GLI2: variants seen among roughly 807,000 people sequenced by gnomAD.
The protein encoded by GLI2 is GLI family zinc finger 2.
Under a neutral mutation model 78.9 loss-of-function variants are expected in GLI2, and 22 were observed. The observed-to-expected ratio is 0.28, with a 90% CI of 0.20 to 0.40. The LOEUF (loss-of-function observed/expected upper bound fraction) is 0.40, where lower values mean the gene tolerates loss of function less well. Ranked by LOEUF, GLI2 falls within the 10% of genes least tolerant of loss-of-function variation. The pLI, the probability that GLI2 is intolerant of heterozygous loss-of-function variation, is 1.00. For synonymous variants in GLI2, 974 were observed against 963.7 expected (o/e 1.01, Z -0.20); for missense variants, 2,097 against 2,213.2 (o/e 0.95, Z 1.05).
rs115909762 is a variant in GLI2 at position 120,812,395 on chromosome 2, G to C, written c.148+14927G>C. ...ACTTGTGGGAGCTGTGGCGGTTCCC[G>C]TGCATCCTTGTCTTTCACGGGGGAA... On this transcript the variant is annotated intron_variant, in intron 2 of 13. Coordinates refer to ENST00000361492, the MANE Select transcript of GLI2 (RefSeq NM_001374353.1). 7.1e-3 allele frequency among the ~76,000 whole-genome samples: 1,086 copies of C among 152,296 alleles called. 13 individuals are homozygous for C. The highest frequency in any genetic ancestry group is 0.025 in the African/African-American group (1,032 of 41,564).
At chr2:120,877,824 A>G (rs1036542820) in intron 2 of GLI2, among the ~76,000 whole-genome samples, 1 of 152,098 alleles carries the variant, frequency 6.6e-6, no homozygotes, top group Admixed American at 6.5e-5. Context: ...TGTGCTGCTT[A>G]TGAACATCCT....
At position 120,944,110 on chromosome 2, in the gene GLI2, C is replaced by T. The variant is rs1005042692; in HGVS notation, c.255-7133C>T. 3.3e-5 allele frequency among the ~76,000 whole-genome samples: 5 copies of T among 152,362 alleles called. No homozygotes were observed. In the South Asian group the frequency reaches 1.0e-3, roughly 32 times the overall value. On this transcript the variant is annotated intron_variant, in intron 3 of 13. Transcript: ENST00000361492. ...CCACTCCGAGGGTCTGGCATGCTCGCTTAGGCCCAGCCAGCTGCATGCTGA... is the reference window on the plus strand; with the variant it reads ...CCACTCCGAGGGTCTGGCATGCTCGTTTAGGCCCAGCCAGCTGCATGCTGA...
intron 2 of GLI2, among the ~76,000 whole-genome samples, chr2:120,892,751 TC>T (rs1677741643): frequency 1.3e-5 from 2 of 152,362 alleles, no homozygotes; most frequent in South Asian, 4.1e-4. Context: ...CTACTCTGGT[TC>T]TCAGAAGTTC....
chr2:120,915,118 C>G (rs1679028276), intron 2 of GLI2, among the ~76,000 whole-genome samples: 1 of 152,238 alleles, frequency 6.6e-6, no homozygotes, highest in Non-Finnish European at 1.5e-5. Context: ...GGAGACCAGT[C>G]TCAGAACTCT....
chr2:120,837,293 C>G (rs1686659739), intron 2 of GLI2, among the ~76,000 whole-genome samples: 1 of 149,788 alleles, frequency 6.7e-6, no homozygotes, highest in African/African-American at 2.5e-5. Flanking sequence ...ACTCGGGAGG[C>G]TGAGGCAGGA....
chr2:120,927,448 C>T lies in GLI2; in HGVS notation c.236C>T (p.Ser79Phe), dbSNP rs1388007950. Reference protein sequence around the residue: ...QEGRYHYEPHSVHGVHGPPAL... With the variant: ...QEGRYHYEPHFVHGVHGPPAL... ...GGAAGGTACCATTACGAGCCTCATT[C>T]TGTCCACGGTGTGCACGGGTAAGTC... is the stretch of plus-strand genomic sequence containing the variant. Residue 79 changes from serine (S) to phenylalanine (F), a missense_variant, in exon 3 of 14, where the codon TCT becomes TTT. Ser to Phe is a radical substitution (Grantham distance 155). Transcript: ENST00000361492. 1.2e-6 allele frequency: 2 copies of T among 1,612,504 alleles called. No individual in the cohort carries two copies. The highest frequency in any genetic ancestry group is 4.5e-5 in the East Asian group (2 of 44,890).
intron 3 of GLI2, among the ~76,000 whole-genome samples, chr2:120,939,315 A>G (rs1680344933): frequency 6.6e-6 from 1 of 152,124 alleles, no homozygotes; most frequent in East Asian, 1.9e-4. Flanking sequence ...CATGTTTAAG[A>G]TATCTGAGTA....
At chr2:120,984,778 G>A (rs749391492) in intron 12 of GLI2, 35 bp downstream of exon 12, 275 of 1,607,316 alleles carry the variant, frequency 1.7e-4, no homozygotes, top group Non-Finnish European at 2.1e-4. Context: ...CACGCAAGGC[G>A]ACTCCATAGC....
chr2:120,817,246 G>A (rs1451841868), intron 2 of GLI2, among the ~76,000 whole-genome samples: 1 of 152,206 alleles, frequency 6.6e-6, no homozygotes, highest in Non-Finnish European at 1.5e-5. Flanking sequence ...AGGGAAGTGC[G>A]TAATGTCAGC....
rs113576388 is a variant in GLI2, at chr2:120,859,890, C to T, written c.148+62422C>T. On this transcript the variant is annotated intron_variant, in intron 2 of 13. Coordinates refer to ENST00000361492, the MANE Select transcript of GLI2 (RefSeq NM_001374353.1). ...CTGGTCTGGAGCTCCTGACCTCAGA[C>T]GATCTGCCCACCTCAGCCTCCCAAA... Among the ~76,000 whole-genome samples the T allele has an allele frequency of 3.0e-4, 46 of 152,026 alleles. 1 individual carries two copies. Among genetic ancestry groups the T allele is most frequent in the Admixed American group, 2.2e-3 (33 of 15,278 alleles).
At chr2:120,821,502 G>A (rs1195558375) in intron 2 of GLI2, among the ~76,000 whole-genome samples, 1 of 152,146 alleles carries the variant, frequency 6.6e-6, no homozygotes, top group Non-Finnish European at 1.5e-5. Flanking sequence ...CCTCGGATGG[G>A]CTTGTAAACC....
chr2:120,887,419 G>C (rs903146454), intron 2 of GLI2, among the ~76,000 whole-genome samples: 1 of 152,214 alleles, frequency 6.6e-6, no homozygotes, highest in African/African-American at 2.4e-5. Context: ...GCTGGGCTGC[G>C]TGTTGGATTT....
intron 5 of GLI2, among the ~76,000 whole-genome samples, chr2:120,966,719 C>T (rs1446889484): frequency 1.3e-5 from 2 of 152,230 alleles, no homozygotes; most frequent in East Asian, 3.9e-4. Flanking sequence ...GATCCCAGGG[C>T]TTGCGGCTTG....
At chr2:120,960,503 T>C (rs1389080647) in intron 5 of GLI2, among the ~76,000 whole-genome samples, 2 of 152,214 alleles carry the variant, frequency 1.3e-5, no homozygotes, top group African/African-American at 4.8e-5. Flanking sequence ...ACCTGCACAA[T>C]TGTGTATTTA....
chr2:120,956,994 G>A (rs1409440040), intron 5 of GLI2, among the ~76,000 whole-genome samples: 2 of 152,168 alleles, frequency 1.3e-5, no homozygotes, highest in Non-Finnish European at 2.9e-5. Context: ...TCAGTCACTG[G>A]GACAGCTCCC....
intron 6 of GLI2, 112 bp from the exon 7 acceptor site, chr2:120,970,281 A>T: frequency 1.5e-6 from 1 of 673,862 alleles, no homozygotes. Context: ...TGGTGGGGCT[A>T]GCAACATGCT....
At chr2:120,830,823 T>A (rs1442043230) in intron 2 of GLI2, among the ~76,000 whole-genome samples, 2 of 152,166 alleles carry the variant, frequency 1.3e-5, no homozygotes, top group Non-Finnish European at 2.9e-5. Context: ...TCTGTCCTTC[T>A]CTGACTTTGT....
intron 1 of GLI2, among the ~76,000 whole-genome samples, chr2:120,778,092 G>A (rs1683735109): frequency 6.6e-6 from 1 of 152,076 alleles, no homozygotes; most frequent in African/African-American, 2.4e-5. Flanking sequence ...TTGGAGGAGG[G>A]AAGGTGGCCC....
At chr2:120,872,802 G>T (rs1212638451) in intron 2 of GLI2, among the ~76,000 whole-genome samples, 1 of 152,248 alleles carries the variant, frequency 6.6e-6, no homozygotes, top group African/African-American at 2.4e-5. Context: ...GAAACACTCA[G>T]CATAGTACTA....
Sources: gnomAD v4.1 joint callset for allele counts (sites outside exome capture counted in the v4.1 genomes callset) on GRCh38, gnomAD v4.1.1 for gene constraint, MANE v1.5 for transcripts, NCBI Gene and HGNC (gene_info 2026-07-23, HGNC 2026-07-21) for gene names.